Variants in NOSTRIN observed in about 807,000 individuals in gnomAD.
NOSTRIN encodes nitric oxide synthase trafficking.
NOSTRIN carries 63 observed loss-of-function variants against 59.0 expected under a neutral mutation model. The ratio of observed to expected loss-of-function variants is 1.07; its 90% CI spans 0.87 to 1.32. The LOEUF (loss-of-function observed/expected upper bound fraction) is 1.32, where lower values mean the gene tolerates loss of function less well. Ranked by LOEUF, NOSTRIN falls within the 40% of genes most tolerant of loss-of-function variation. The pLI is 0.00. For synonymous variants in NOSTRIN, 200 were observed against 165.4 expected (o/e 1.21, Z -1.61); for missense variants, 512 against 473.1 (o/e 1.08, Z -0.76).
At chr2:168,835,704 G>C (rs1199911181) in intron 7 of NOSTRIN, among the ~76,000 whole-genome samples, 2 of 152,188 alleles carry the variant, frequency 1.3e-5, no homozygotes, top group African/African-American at 4.8e-5. Flanking sequence ...TGAGGGCCTA[G>C]GGCAGCTTTT....
At chr2:168,855,900 A>G in intron 11 of NOSTRIN, 1 of 453,864 alleles carries the variant, frequency 2.2e-6, no homozygotes, top group South Asian at 1.6e-5. Flanking sequence ...TAGGCATGTC[A>G]GACTGTGAAG....
chr2:168,859,772 A>C, intron 13 of NOSTRIN, 135 bp downstream of exon 13: 2 of 1,210,578 alleles, frequency 1.7e-6, no homozygotes, highest in South Asian at 1.8e-5. Context: ...TAAGAAGATA[A>C]ATGTTTTTAT....
At chr2:168,792,757 G>A (rs936724615) in intron 2 of NOSTRIN, among the ~76,000 whole-genome samples, 11 of 152,118 alleles carry the variant, frequency 7.2e-5, no homozygotes, top group Non-Finnish European at 1.5e-4. Flanking sequence ...TGGGATTATA[G>A]CCAGCATACC....
chr2:168,805,942 G>T (rs776628499), intron 1 of NOSTRIN, among the ~76,000 whole-genome samples: 5 of 152,198 alleles, frequency 3.3e-5, no homozygotes, highest in Admixed American at 3.3e-4. Flanking sequence ...TGTGTAACAT[G>T]CCATTCCACA....
intron 3 of NOSTRIN, among the ~76,000 whole-genome samples, chr2:168,826,484 T>C (rs1455475808): frequency 1.3e-5 from 2 of 149,994 alleles, no homozygotes; most frequent in Non-Finnish European, 3.0e-5. Context: ...GTTCCTTCTC[T>C]TTCCATTTTT....
chr2:168,834,209 G>A lies in NOSTRIN; in HGVS notation c.406-18G>A, dbSNP rs1171873320. 2 of 862,616 alleles carry A rather than the reference G, an allele frequency of 2.3e-6. No homozygotes were observed. The highest frequency in any genetic ancestry group is 1.3e-5 in the South Asian group (1 of 74,320). The allele number at this position is 862,616 out of a possible 1,614,324, so 53.4% of individuals were successfully genotyped here. On this transcript the variant is annotated intron_variant, in intron 6 of 15. Transcript: ENST00000317647. ...GCCTCTGCTCCTTTTTTTCTTGTTT[G>A]TATGTTTTTTACTCTAGGCCAAGAA...
chr2:168,845,141 G>C (rs543334749), intron 8 of NOSTRIN, among the ~76,000 whole-genome samples: 1 of 152,282 alleles, frequency 6.6e-6, no homozygotes, highest in South Asian at 2.1e-4. Flanking sequence ...TACTCTCTTG[G>C]TTTATGCTAG....
chr2:168,801,119 T>G (rs896162077), upstream of NOSTRIN: 1 of 152,002 alleles, frequency 6.6e-6, no homozygotes, highest in Non-Finnish European at 1.5e-5. Context: ...TGTTGTAACC[T>G]CCAGTGATCA....
intron 2 of NOSTRIN, among the ~76,000 whole-genome samples, chr2:168,814,336 C>T (rs868616802): frequency 6.6e-6 from 1 of 152,332 alleles, no homozygotes; most frequent in Middle Eastern, 3.4e-3. Flanking sequence ...GCTGGGATTA[C>T]ATTTGCCTTG....
At chr2:168,855,113 T>C (rs1194862100) in intron 10 of NOSTRIN, among the ~76,000 whole-genome samples, 1 of 152,194 alleles carries the variant, frequency 6.6e-6, no homozygotes, top group Non-Finnish European at 1.5e-5. Flanking sequence ...AACAATCTGC[T>C]CTATTAAAAA....
At chr2:168,854,577 A>G (rs1172069700) in intron 10 of NOSTRIN, among the ~76,000 whole-genome samples, 1 of 151,912 alleles carries the variant, frequency 6.6e-6, no homozygotes, top group Non-Finnish European at 1.5e-5. Context: ...TCTAGCCTCA[A>G]CTCCCTGAAC....
intron 2 of NOSTRIN, among the ~76,000 whole-genome samples, chr2:168,814,654 T>C (rs187348928): frequency 2.8e-4 from 42 of 152,294 alleles, no homozygotes; most frequent in African/African-American, 8.2e-4. Flanking sequence ...TGACAGACAA[T>C]GATGAAGGCA....
chr2:168,824,062 G>A lies in NOSTRIN; in HGVS notation c.114-572G>A, dbSNP rs566263541. Among the ~76,000 whole-genome samples, 5 of 152,004 alleles carry A rather than the reference G, an allele frequency of 3.3e-5. No individual in the cohort carries two copies. In the South Asian group the frequency reaches 1.0e-3, roughly 32 times the overall value. On this transcript the variant is annotated intron_variant, in intron 2 of 15. Coordinates refer to ENST00000317647, the MANE Select transcript of NOSTRIN (RefSeq NM_001039724.4). ...TGCACTCCAGCCTGGGCAACAAGAG[G>A]GAAACTCCATCTCAAAACAAAAAAC...
intron 15 of NOSTRIN, among the ~76,000 whole-genome samples, chr2:168,862,724 C>T (rs908282183): frequency 6.6e-6 from 1 of 151,914 alleles, no homozygotes; most frequent in African/African-American, 2.4e-5. Context: ...TAAACCACAA[C>T]ATTATTAAAG....
chr2:168,808,656 G>C (rs1685988838), intron 1 of NOSTRIN, among the ~76,000 whole-genome samples: 1 of 152,070 alleles, frequency 6.6e-6, no homozygotes, highest in Admixed American at 6.6e-5. Flanking sequence ...AAATAAGAAA[G>C]CCACAGGACC....
chr2:168,847,977 T>G (rs560952), intron 8 of NOSTRIN, among the ~76,000 whole-genome samples: 1 of 151,982 alleles, frequency 6.6e-6, no homozygotes, highest in Non-Finnish European at 1.5e-5. Flanking sequence ...ATGCTAGTGG[T>G]TCAGCACTTG....
intron 12 of NOSTRIN, among the ~76,000 whole-genome samples, chr2:168,858,189 G>C (rs376271595): frequency 4.6e-5 from 7 of 152,124 alleles, no homozygotes; most frequent in African/African-American, 1.7e-4. Flanking sequence ...GGATCATCTG[G>C]GTCCTCTCAC....
Position 168,812,848 on chromosome 2 carries a change from C to G in NOSTRIN, c.113+1196C>G, listed in dbSNP as rs1033714603. Reference sequence around the variant, plus strand: ...AACCTTTTTTAAACTCAACAACCCGCAGCATTTTTGAGAGGAATGTTTTGG... The same window carrying G: ...AACCTTTTTTAAACTCAACAACCCGGAGCATTTTTGAGAGGAATGTTTTGG... On this transcript the variant is annotated intron_variant, in intron 2 of 15. Transcript: ENST00000317647. 4.6e-5 allele frequency among the ~76,000 whole-genome samples: 7 copies of G among 152,114 alleles called. No homozygotes were observed. The South Asian group carries it at 1.4e-3, about 32-fold the overall frequency.
chr2:168,817,701 C>T (rs1487062256), intron 2 of NOSTRIN, among the ~76,000 whole-genome samples: 1 of 152,150 alleles, frequency 6.6e-6, no homozygotes, highest in Non-Finnish European at 1.5e-5. Context: ...CCAGAGTGAG[C>T]CGGGGCTCAG....
Sources: allele counts gnomAD v4.1 joint callset (sites outside exome capture counted in the v4.1 genomes callset), GRCh38; gene constraint gnomAD v4.1.1; transcripts MANE v1.5; gene names NCBI Gene and HGNC (gene_info 2026-07-23, HGNC 2026-07-21).